The following KIAA0586 variants were observed in gnomAD, a reference collection of about 807,000 sequenced individuals.
The protein encoded by KIAA0586 is protein TALPID3.
In KIAA0586, 144 loss-of-function variants were observed where a neutral mutation model predicts 169.8. That is an observed-to-expected ratio of 0.85 (90% CI 0.74 to 0.97). The LOEUF (loss-of-function observed/expected upper bound fraction) is 0.97. Ranked by LOEUF, KIAA0586 falls within the 50% of genes least tolerant of loss-of-function variation. The pLI is 0.00. For synonymous variants in KIAA0586, 625 were observed against 612.4 expected, an observed-to-expected ratio of 1.02 and a Z score of -0.30; for missense variants, 1,854 against 1,823.0, an observed-to-expected ratio of 1.02 and a Z score of -0.31.
At chr14:58,479,799 T>C (rs2041904441) in intron 20 of KIAA0586, among the ~76,000 whole-genome samples, 1 of 152,220 alleles carries the variant, frequency 6.6e-6, no homozygotes, top group Non-Finnish European at 1.5e-5. Flanking sequence ...CATTATTCCA[T>C]TGAACTACCT....
In KIAA0586 at chr14:58,465,931, C is replaced by T. The variant is rs754264853; in HGVS notation, c.2156C>T (p.Pro719Leu). The T allele has an allele frequency of 1.1e-5, 18 of 1,612,566 alleles. No individual in the cohort carries two copies. In the East Asian group the frequency reaches 3.1e-4, roughly 28 times the overall value. Residue 719 changes from proline to leucine, a missense_variant, in exon 15 of 31, where the codon CCT becomes CTT. Pro to Leu is a moderately conservative substitution (Grantham distance 98, BLOSUM62 -3). Transcript: ENST00000652326. ...ATGAAACATTCTGTTCCTGTGTTAC[C>T]TCATGGCGATCAGCAATATTTGTTC... Reference protein sequence around the residue: ...SKMKHSVPVLPHGDQQYLFSP... With the variant: ...SKMKHSVPVLLHGDQQYLFSP...
intron 14 of KIAA0586, among the ~76,000 whole-genome samples, chr14:58,464,753 TG>T (rs2040604162): frequency 6.6e-6 from 1 of 152,164 alleles, no homozygotes; most frequent in African/African-American, 2.4e-5. Context: ...ACATGTACTA[TG>T]TTCTTTTAAT....
rs139540515 is a variant in KIAA0586 at position 58,524,288 on chromosome 14, T to C, written c.4429+11661T>C. 4.5e-4 allele frequency among the ~76,000 whole-genome samples: 69 copies of C among 152,330 alleles called. No homozygotes were observed. In the East Asian group the frequency reaches 0.01, roughly 23 times the overall value. Reference sequence around the variant, plus strand: ...AAGCTTGACTGAAAACTAAAATAAATTAATAAATTAGAACAGAGAAGTGAT... The same window carrying C: ...AAGCTTGACTGAAAACTAAAATAAACTAATAAATTAGAACAGAGAAGTGAT... On this transcript the variant is annotated intron_variant, in intron 29 of 30. Transcript: ENST00000652326.
Position 58,529,826 on chromosome 14 carries a change from G to T in KIAA0586, c.4430-10245G>T, listed in dbSNP as rs111947490. ...CAAGGATGCCCTCTCTCACCACTCCGATTCAACACACTACTGGAAGTTCTG... is the reference window on the plus strand; with the variant it reads ...CAAGGATGCCCTCTCTCACCACTCCTATTCAACACACTACTGGAAGTTCTG... On this transcript the variant is annotated intron_variant, in intron 29 of 30. Coordinates refer to ENST00000652326, the MANE Select transcript of KIAA0586 (RefSeq NM_001329943.3). Among the ~76,000 whole-genome samples the T allele has an allele frequency of 3.3e-3, 504 of 152,138 alleles. 6 individuals carry two copies. Among genetic ancestry groups the T allele is most frequent in the African/African-American group, 0.012 (483 of 41,514 alleles).
chr14:58,522,750 A>G (rs1451306600), intron 29 of KIAA0586, among the ~76,000 whole-genome samples: 1 of 152,216 alleles, frequency 6.6e-6, no homozygotes, highest in East Asian at 1.9e-4. Flanking sequence ...GAAAAGGCAA[A>G]CATCTTTCTA....
downstream of KIAA0586, among the ~76,000 whole-genome samples, chr14:58,554,285 A>T (rs1187935321): frequency 6.6e-6 from 1 of 152,112 alleles, no homozygotes; most frequent in African/African-American, 2.4e-5. Context: ...GTATAGTCGC[A>T]TACTAGGGAA....
intron 5 of KIAA0586, among the ~76,000 whole-genome samples, chr14:58,443,197 G>C (rs569387345): frequency 2.6e-5 from 4 of 152,342 alleles, no homozygotes; most frequent in African/African-American, 9.6e-5. Context: ...AGGAACCTTA[G>C]AGATAATCTA....
Position 58,472,122 on chromosome 14 carries a change from G to A in KIAA0586, c.2554-77G>A. On this transcript the variant is annotated intron_variant, in intron 17 of 30. Coordinates refer to ENST00000652326, the MANE Select transcript of KIAA0586 (RefSeq NM_001329943.3). ...CATGTAATTATAAGCTTATACTATA[G>A]GTGGAAATATGATAAATTACTTATA... The A allele has an allele frequency of 4.6e-6, 3 of 657,658 alleles. No individual in the cohort carries two copies. The South Asian group carries it at 7.6e-5, about 17-fold the overall frequency. The allele number at this position is 657,658 out of a possible 1,614,324, so 40.7% of individuals were successfully genotyped here. A position where few individuals can be genotyped will look rare whatever the true frequency, so the allele number is the denominator to read the frequency against.
intron 4 of KIAA0586, among the ~76,000 whole-genome samples, chr14:58,434,839 C>T (rs904932086): frequency 8.6e-5 from 13 of 152,032 alleles, no homozygotes; most frequent in African/African-American, 2.7e-4. Context: ...GGTAGGTTCA[C>T]GGCTCACTGC....
At chr14:58,442,354 T>C (rs2763882) in intron 4 of KIAA0586, among the ~76,000 whole-genome samples, 149,782 of 152,288 alleles carry the variant, frequency 0.98, 73,699 homozygotes, top group Non-Finnish European at 1. Flanking sequence ...GTGATCCACC[T>C]GCCTTGGCCT....
rs767931483 is a variant in KIAA0586, at chr14:58,440,190, G to T, written c.411-2516G>T. On this transcript the variant is annotated intron_variant, in intron 4 of 30. Coordinates refer to ENST00000652326, the MANE Select transcript of KIAA0586 (RefSeq NM_001329943.3). ...GTAGCACTACACCCACCTAATTCAG[G>T]CTTCTTAATAATGTATTTTGTGAAC... is the stretch of plus-strand genomic sequence containing the variant. 1.1e-4 allele frequency: 49 copies of T among 447,364 alleles called. 1 individual carries two copies. The highest frequency in any genetic ancestry group is 1.9e-4 in the Non-Finnish European group (43 of 222,758). The allele number at this position is 447,364 out of a possible 1,614,324, so 27.7% of individuals were successfully genotyped here. A position where few individuals can be genotyped will look rare whatever the true frequency, so the allele number is the denominator to read the frequency against.
At chr14:58,522,002 G>A (rs1464317429) in intron 29 of KIAA0586, 1 of 1,297,130 alleles carries the variant, frequency 7.7e-7, no homozygotes, top group East Asian at 2.3e-5. Flanking sequence ...GCACATAGTG[G>A]GGTTTAGAAA....
intron 3 of KIAA0586, 107 bp from the exon 4 acceptor site, chr14:58,432,281 T>C: frequency 1.5e-6 from 1 of 657,180 alleles, no homozygotes; most frequent in Non-Finnish European, 2.6e-6. Flanking sequence ...ATGCTATGGC[T>C]GAGTTCCTAA....
At chr14:58,469,466 T>C (rs939004335) in intron 16 of KIAA0586, among the ~76,000 whole-genome samples, 2 of 152,148 alleles carry the variant, frequency 1.3e-5, no homozygotes, top group Admixed American at 6.6e-5. Context: ...CTATGGAGGC[T>C]TCGGGAGACC....
chr14:58,534,311 T>C (rs549486609), intron 29 of KIAA0586, among the ~76,000 whole-genome samples: 53 of 152,330 alleles, frequency 3.5e-4, no homozygotes, highest in African/African-American at 1.3e-3. Flanking sequence ...TGTGGCCTGG[T>C]ATAATATAGG....
downstream of KIAA0586, among the ~76,000 whole-genome samples, chr14:58,552,292 T>C (rs1264536502): frequency 6.6e-6 from 1 of 152,180 alleles, no homozygotes; most frequent in Non-Finnish European, 1.5e-5. Context: ...GGGGTAGATT[T>C]TAAGTGTCAG....
chr14:58,438,524 G>A (rs1182755980), intron 4 of KIAA0586, among the ~76,000 whole-genome samples: 1 of 152,092 alleles, frequency 6.6e-6, no homozygotes, highest in Non-Finnish European at 1.5e-5. Context: ...CCAACCCCAG[G>A]TTGCTTACAG....
intron 14 of KIAA0586, 40 bp from the exon 15 acceptor site, chr14:58,465,794 TA>T: frequency 7.9e-7 from 1 of 1,266,262 alleles, no homozygotes; most frequent in Non-Finnish European, 1.1e-6. Flanking sequence ...GTAGATATTC[TA>T]ACAATATTTT....
At chr14:58,440,326 C>T (rs1365677464) in intron 4 of KIAA0586, among the ~76,000 whole-genome samples, 2 of 151,646 alleles carry the variant, frequency 1.3e-5, no homozygotes, top group African/African-American at 4.9e-5. Context: ...CTCCCTCTTT[C>T]CTGTCCTGTC....
Sources: allele counts gnomAD v4.1 joint callset (sites outside exome capture counted in the v4.1 genomes callset), GRCh38; gene constraint gnomAD v4.1.1; transcripts MANE v1.5; gene names NCBI Gene and HGNC (gene_info 2026-07-23, HGNC 2026-07-21).